The following MBNL1 variants were observed in gnomAD, a reference collection of about 807,000 sequenced individuals.
MBNL1 encodes the protein muscleblind like splicing regulator 1, also known as muscleblind-like protein 1.
In MBNL1, 8 loss-of-function variants were observed where a neutral mutation model predicts 42.2. The ratio of observed to expected loss-of-function variants is 0.19; its 90% CI spans 0.11 to 0.34. MBNL1 has a LOEUF of 0.34. Ranked by LOEUF, MBNL1 falls within the 10% of genes least tolerant of loss-of-function variation. The pLI, the probability that MBNL1 is intolerant of heterozygous loss-of-function variation, is 1.00. For missense variants in MBNL1, 309 were observed against 495.3 expected, an observed-to-expected ratio of 0.62 and a Z score of 3.57; for synonymous variants, 169 against 173.9, an observed-to-expected ratio of 0.97 and a Z score of 0.22.
chr3:152,447,280 C>T (rs1205152306), intron 5 of MBNL1, among the ~76,000 whole-genome samples: 1 of 152,128 alleles, frequency 6.6e-6, no homozygotes, highest in Non-Finnish European at 1.5e-5. Flanking sequence ...CCTCATGGAG[C>T]TCGCAGTGCG....
At chr3:152,284,309 T>G (rs1399762263) in intron 1 of MBNL1, among the ~76,000 whole-genome samples, 1 of 152,150 alleles carries the variant, frequency 6.6e-6, no homozygotes, top group African/African-American at 2.4e-5. Flanking sequence ...GGAAATATTT[T>G]GAGACAGCAG....
chr3:152,363,209 A>G (rs2096113754), intron 2 of MBNL1, among the ~76,000 whole-genome samples: 1 of 151,996 alleles, frequency 6.6e-6, no homozygotes, highest in Non-Finnish European at 1.5e-5. Context: ...TGTTTAATAT[A>G]TATTTTTTTC....
intron 3 of MBNL1, among the ~76,000 whole-genome samples, chr3:152,425,515 A>G (rs202029850): frequency 6.6e-6 from 1 of 151,944 alleles, no homozygotes; most frequent in African/African-American, 2.4e-5. Context: ...GGCTGAGGCA[A>G]GAGAATCGCT....
chr3:152,269,729 CT>C (rs746931001), intron 1 of MBNL1: 427 of 191,052 alleles, frequency 2.2e-3, no homozygotes, highest in South Asian at 5.6e-3. Flanking sequence ...TCTTCTTCTT[CT>C]TTTTTTTTTC....
chr3:152,335,138 G>A, intron 2 of MBNL1: 1 of 1,289,400 alleles, frequency 7.8e-7, no homozygotes, highest in Non-Finnish European at 1.0e-6. Context: ...TTGTTTAAGG[G>A]GAACCTTCTG....
At chr3:152,306,681 A>G (rs183387246) in intron 2 of MBNL1, among the ~76,000 whole-genome samples, 1 of 152,332 alleles carries the variant, frequency 6.6e-6, no homozygotes, top group East Asian at 1.9e-4. Context: ...GGAGTCTGGT[A>G]GGTAAGACAG....
chr3:152,283,195 A>G (rs2150450118), intron 1 of MBNL1, among the ~76,000 whole-genome samples: 1 of 152,296 alleles, frequency 6.6e-6, no homozygotes, highest in South Asian at 2.1e-4. Context: ...CTTTCATTGT[A>G]ATGTTTATTG....
chr3:152,303,942 TA>T (rs1560063096), intron 2 of MBNL1, among the ~76,000 whole-genome samples: 6 of 152,318 alleles, frequency 3.9e-5, no homozygotes. Context: ...CCATTTTATT[TA>T]AGATAATTAA....
At chr3:152,393,152 A>T (rs1278914080) in intron 2 of MBNL1, among the ~76,000 whole-genome samples, 1 of 152,170 alleles carries the variant, frequency 6.6e-6, no homozygotes, top group Non-Finnish European at 1.5e-5. Flanking sequence ...GACTTCTGTC[A>T]TTCCTCCCTG....
intron 2 of MBNL1, among the ~76,000 whole-genome samples, chr3:152,249,546 A>C (rs1043464833): frequency 1.5e-5 from 2 of 131,976 alleles, no homozygotes; most frequent in African/African-American, 5.4e-5. Flanking sequence ...AGGTTGCGAA[A>C]ATTTTCTCCC....
intron 2 of MBNL1, among the ~76,000 whole-genome samples, chr3:152,403,850 T>C (rs1014215973): frequency 5.3e-5 from 8 of 151,646 alleles, no homozygotes; most frequent in Non-Finnish European, 1.2e-4. Context: ...CTGATGGCAG[T>C]GCACAATTTT....
rs557174495 is a variant in MBNL1, at chr3:152,271,379, G to T, written c.-790+2287G>T. The stretch of plus-strand genomic sequence containing the variant: ...GAAAATTGTATTTCTCATTGAGGAA[G>T]GGTGTGTTACTTTATTATATAAAAT... On this transcript the variant is annotated intron_variant, in intron 1 of 9. Transcript: ENST00000324210. Among the ~76,000 whole-genome samples the T allele has an allele frequency of 2.0e-5, 3 of 152,250 alleles. No individual in the cohort carries two copies. The East Asian group carries it at 5.8e-4, about 29-fold the overall frequency.
chr3:152,353,128 C>T lies in MBNL1; in HGVS notation c.174+52761C>T, dbSNP rs538083263. ...AAAAGTCAGAGTACTCTGTGATCAG[C>T]GAACAAAAACACACCTCAGTCTCAG... On this transcript the variant is annotated intron_variant, in intron 2 of 9. Transcript: ENST00000324210. Among the ~76,000 whole-genome samples the T allele has an allele frequency of 3.9e-5, 6 of 152,216 alleles. No individual in the cohort carries two copies. The East Asian group carries it at 9.7e-4, about 24-fold the overall frequency.
At chr3:152,279,191 G>T (rs1314628289) in intron 1 of MBNL1, among the ~76,000 whole-genome samples, 1 of 152,154 alleles carries the variant, frequency 6.6e-6, no homozygotes, top group African/African-American at 2.4e-5. Flanking sequence ...GAAAAAAACA[G>T]ATAGACAACC....
intron 2 of MBNL1, among the ~76,000 whole-genome samples, chr3:152,408,149 C>G (rs1265999622): frequency 1.3e-5 from 2 of 151,756 alleles, no homozygotes; most frequent in African/African-American, 4.8e-5. Context: ...GAACTTAAAA[C>G]AAAAAACAAT....
Position 152,299,400 on chromosome 3 carries a change from T to C in MBNL1, c.-789-5T>C, listed in dbSNP as rs1384120556. Reference sequence around the variant, plus strand: ...TAAATCTTAACCTATCTCTTTTTTCTACAGGTTGGTACTAAGAAGTGCCTT... The same window carrying C: ...TAAATCTTAACCTATCTCTTTTTTCCACAGGTTGGTACTAAGAAGTGCCTT... On this transcript the variant is annotated splice_polypyrimidine_tract_variant and splice_region_variant and intron_variant, in intron 1 of 9. Coordinates refer to ENST00000324210, the MANE Select transcript of MBNL1 (RefSeq NM_021038.5). The C allele has an allele frequency of 3.3e-6, 1 of 298,990 alleles. No homozygotes were observed. Among genetic ancestry groups the C allele is most frequent in the Non-Finnish European group, 6.1e-6 (1 of 163,538 alleles). 18.5% of individuals were successfully genotyped at this position (298,990 alleles called of 1,614,324 possible).
rs535474583 is a variant in MBNL1 at position 152,457,332 on chromosome 3, G to A, written c.1092+971G>A. ...AGATAATCCACAGAGGAAGATTAAAGGTAGCCAAATGAATCTCAAAAGAAT... is the reference window on the plus strand; with the variant it reads ...AGATAATCCACAGAGGAAGATTAAAAGTAGCCAAATGAATCTCAAAAGAAT... On this transcript the variant is annotated intron_variant, in intron 8 of 9. Coordinates refer to ENST00000324210, the MANE Select transcript of MBNL1 (RefSeq NM_021038.5). Among the ~76,000 whole-genome samples the A allele has an allele frequency of 6.6e-5, 10 of 152,292 alleles. No homozygotes were observed. In the East Asian group the frequency reaches 1.9e-3, roughly 29 times the overall value.
intron 1 of MBNL1, among the ~76,000 whole-genome samples, chr3:152,282,755 G>A (rs1383946624): frequency 6.6e-6 from 1 of 151,874 alleles, no homozygotes; most frequent in Non-Finnish European, 1.5e-5. Context: ...ACCAATGTTA[G>A]ATTTACTATG....
At chr3:152,326,566 G>T (rs1029496121) in intron 2 of MBNL1, among the ~76,000 whole-genome samples, 1 of 151,684 alleles carries the variant, frequency 6.6e-6, no homozygotes, top group East Asian at 1.9e-4. Context: ...TTTCTGCTGC[G>T]TTTATTATCA....
Sources: gnomAD v4.1 joint callset for allele counts (sites outside exome capture counted in the v4.1 genomes callset) on GRCh38, gnomAD v4.1.1 for gene constraint, MANE v1.5 for transcripts, NCBI Gene and HGNC (gene_info 2026-07-23, HGNC 2026-07-21) for gene names.